Variants in EPS8L2 observed in about 807,000 individuals in gnomAD.
EPS8L2 encodes EPS8 signaling adaptor L2.
In EPS8L2, 81 loss-of-function variants were observed where a neutral mutation model predicts 99.4. The ratio of observed to expected loss-of-function variants is 0.82; its 90% confidence interval spans 0.68 to 0.98. The LOEUF (loss-of-function observed/expected upper bound fraction) is 0.98, where lower values mean the gene tolerates loss of function less well. Among genes scored for constraint, EPS8L2 ranks in the 50% least tolerant of loss-of-function variants. The pLI is 0.00. For missense variants in EPS8L2, 1,155 were observed against 968.8 expected, an observed-to-expected ratio of 1.19 and a Z score of -2.55; for synonymous variants, 509 against 407.3, an observed-to-expected ratio of 1.25 and a Z score of -3.01.
At chr11:726,054 C>A in intron 17 of EPS8L2, 44 bp from the exon 18 acceptor site, 1 of 880,434 alleles carries the variant, frequency 1.1e-6, no homozygotes, top group Non-Finnish European at 1.6e-6. Flanking sequence ...TGCTGGGAGG[C>A]GGGGGCGGGG....
chr11:713,483 A>G (rs1004094150), intron 4 of EPS8L2, among the ~76,000 whole-genome samples: 5 of 151,844 alleles, frequency 3.3e-5, no homozygotes, highest in Admixed American at 6.6e-5. Flanking sequence ...CCAGGTTCAA[A>G]CCATTCTCCT....
At chr11:715,618 G>GTTT (rs929222502) in intron 4 of EPS8L2, among the ~76,000 whole-genome samples, 7 of 120,030 alleles carry the variant, frequency 5.8e-5, no homozygotes, top group African/African-American at 1.0e-4. Context: ...TTTTTCTTTT[G>GTTT]TTTTTTTTTT....
chr11:715,281 C>T (rs1861994084), intron 4 of EPS8L2, among the ~76,000 whole-genome samples: 2 of 151,654 alleles, frequency 1.3e-5, no homozygotes, highest in Non-Finnish European at 2.9e-5. Flanking sequence ...GTTATTGTTT[C>T]TTCCTTAGAT....
chr11:721,921 G>C lies in EPS8L2; in HGVS notation c.914G>C (p.Arg305Pro), dbSNP rs139209466. 5 of 1,593,908 alleles carry C rather than the reference G, an allele frequency of 3.1e-6. No individual in the cohort carries two copies. The highest frequency in any genetic ancestry group is 4.3e-6 in the Non-Finnish European group (5 of 1,170,806). ...ATGCCAGAGGGCGTCCTCACACTGCGGGCACGGCCCCCCTCTGAGGGCGAG... is the reference window on the plus strand; with the variant it reads ...ATGCCAGAGGGCGTCCTCACACTGCCGGCACGGCCCCCCTCTGAGGGCGAG... ...KAPAEGVLTL[R>P]ARPPSEGEFI... is the part of the protein sequence containing the mutation. Residue 305 changes from arginine to proline, a missense_variant, in exon 11 of 21, where the codon CGG (arginine) becomes CCG (proline). Physicochemically the swap from Arg to Pro is moderately radical, Grantham distance 103 (BLOSUM62 -2). Transcript: ENST00000318562.
chr11:714,229 C>CT (rs1303371451), intron 4 of EPS8L2, among the ~76,000 whole-genome samples: 1 of 125,662 alleles, frequency 8.0e-6, no homozygotes. Flanking sequence ...TTTTTCTTTT[C>CT]TTTTTTCTTT....
At chr11:721,724 A>C in intron 10 of EPS8L2, 33 bp downstream of exon 10, 1 of 1,273,140 alleles carries the variant, frequency 7.9e-7, no homozygotes, top group Non-Finnish European at 1.1e-6. Flanking sequence ...CGGCAGGTGC[A>C]GGGGACGGGG....
rs771172702 is a variant in EPS8L2, at chr11:721,680, A to G, written c.884A>G (p.Lys295Arg). The change falls in exon 10 of 21, where the codon AAG becomes AGG. Residue 295 changes from lysine (K) to arginine (R), a missense_variant. By Grantham distance (26) the Lys-to-Arg change is conservative (BLOSUM62 2). Coordinates refer to ENST00000318562, the MANE Select transcript of EPS8L2 (RefSeq NM_022772.4). ...AAAAAGGGGAAGAAGAAGGGCAAGA[A>G]GGCGCCAGCAGGTGCAGGGGACAGG... ...QRKKGKKKGKKAPAEGVLTLR... is the reference protein window; with the variant it reads ...QRKKGKKKGKRAPAEGVLTLR... The G allele has an allele frequency of 2.5e-6, 4 of 1,593,680 alleles. No individual in the cohort carries two copies. The South Asian group carries it at 4.5e-5, about 18-fold the overall frequency.
In EPS8L2 at chr11:726,361, T is replaced by A. The variant is rs764347141; in HGVS notation, c.1811T>A (p.Ile604Asn). 38 of 1,610,702 alleles carry A rather than the reference T, an allele frequency of 2.4e-5. No individual in the cohort carries two copies. The South Asian group carries it at 4.0e-4, about 17-fold the overall frequency. The change falls in exon 19 of 21, where the codon ATC (isoleucine) becomes AAC (asparagine). Residue 604 changes from isoleucine to asparagine, a missense_variant. Ile to Asn is a moderately radical substitution (Grantham distance 149). Coordinates refer to ENST00000318562, the MANE Select transcript of EPS8L2 (RefSeq NM_022772.4). The part of the protein sequence containing the change: ...NDELIRKISN[I>N]RAQPQRHFRV... ...GAGCTCATCCGGAAAATCAGCAACA[T>A]CAGGGCGCAGCCACAGAGGCACTTC...
chr11:706,893 A>G, intron 1 of EPS8L2: 1 of 152,508 alleles, frequency 6.6e-6, no homozygotes. Flanking sequence ...GAGAGGCAGG[A>G]GGGTGGGCTG....
chr11:710,096 G>A, intron 3 of EPS8L2: 1 of 389,024 alleles, frequency 2.6e-6, no homozygotes, highest in Non-Finnish European at 4.8e-6. Flanking sequence ...CTCAGAGTGG[G>A]AAGAAGCCGG....
intron 16 of EPS8L2, among the ~76,000 whole-genome samples, chr11:725,362 T>C (rs1276902569): frequency 1.3e-5 from 2 of 152,008 alleles, no homozygotes; most frequent in Admixed American, 6.5e-5. Context: ...AACATAAAAA[T>C]TATCTGGATG....
In EPS8L2 at chr11:726,708, T is replaced by G; in HGVS notation, c.2024T>G (p.Val675Gly). Residue 675 changes from valine (V) to glycine (G), a missense_variant, in exon 20 of 21, where the codon GTC becomes GGC. Physicochemically the swap from Val to Gly is moderately radical, Grantham distance 109. Transcript: ENST00000318562. Reference protein sequence around the residue: ...ELKKVCGEEGVRVYSQLTMQK... With the variant: ...ELKKVCGEEGGRVYSQLTMQK... ...AAGAAAGTGTGCGGCGAGGAGGGCG[T>G]CCGCGTGTACAGCCAGCTCACCATG... 1 of 1,591,462 alleles carries G rather than the reference T, an allele frequency of 6.3e-7. No individual in the cohort carries two copies. The highest frequency in any genetic ancestry group is 2.3e-5 in the East Asian group (1 of 44,110).
chr11:717,694 C>G (rs1862055375), intron 4 of EPS8L2, among the ~76,000 whole-genome samples: 1 of 152,048 alleles, frequency 6.6e-6, no homozygotes, highest in South Asian at 2.1e-4. Context: ...GCCTGGGCAA[C>G]ATAGCAAGCC....
At position 721,296 on chromosome 11, in the gene EPS8L2, C is replaced by T; in HGVS notation, c.712C>T (p.Arg238Trp). The T allele has an allele frequency of 6.5e-7, 1 of 1,540,190 alleles. No homozygotes were observed. Among genetic ancestry groups the T allele is most frequent in the Non-Finnish European group, 8.7e-7 (1 of 1,146,432 alleles). ...GTGTCCCCCATCAGGTTTCCGCCGT[C>T]GGGAGTCGCAGGAGGAGCCGCGGGC... is the stretch of plus-strand genomic sequence containing the variant. The part of the protein sequence containing the change: ...VPLSEPGFRR[R>W]ESQEEPRAVL... Residue 238 changes from arginine to tryptophan, a missense_variant, in exon 9 of 21, where the codon CGG (arginine) becomes TGG (tryptophan). By Grantham distance (101) the Arg-to-Trp change is moderately radical. Coordinates refer to ENST00000318562, the MANE Select transcript of EPS8L2 (RefSeq NM_022772.4).
chr11:714,276 C>T (rs1378335533), intron 4 of EPS8L2, among the ~76,000 whole-genome samples: 1 of 150,288 alleles, frequency 6.7e-6, no homozygotes, highest in Non-Finnish European at 1.5e-5. Context: ...GTCACCCAGG[C>T]TGGGGTGCAG....
chr11:718,858 C>T (rs981469501), intron 4 of EPS8L2, among the ~76,000 whole-genome samples: 3 of 150,514 alleles, frequency 2.0e-5, no homozygotes, highest in Admixed American at 6.7e-5. Flanking sequence ...TTAGTAGAGA[C>T]GGGGTTTCAC....
At chr11:722,320 G>C in intron 12 of EPS8L2, 81 bp from the exon 13 acceptor site, 2 of 1,568,538 alleles carry the variant, frequency 1.3e-6, no homozygotes, top group Non-Finnish European at 1.7e-6. Flanking sequence ...GTCCCTTCCC[G>C]AGGGCCAGCC....
At chr11:720,255 A>T in intron 5 of EPS8L2, 32 bp downstream of exon 5, 1 of 1,609,968 alleles carries the variant, frequency 6.2e-7, no homozygotes, top group East Asian at 2.2e-5. Flanking sequence ...GACAGGGAGC[A>T]CAGTGGGTAG....
chr11:713,225 A>T (rs1861934855), intron 4 of EPS8L2, among the ~76,000 whole-genome samples: 1 of 152,180 alleles, frequency 6.6e-6, no homozygotes, highest in Non-Finnish European at 1.5e-5. Context: ...CTTTTTTCTA[A>T]GTTATCACAC....
Sources: gnomAD v4.1 joint callset for allele counts (sites outside exome capture counted in the v4.1 genomes callset) on GRCh38, gnomAD v4.1.1 for gene constraint, MANE v1.5 for transcripts, NCBI Gene and HGNC (gene_info 2026-07-23, HGNC 2026-07-21) for gene names.